The following CACNA1E variants were observed in gnomAD, a reference collection of about 807,000 sequenced individuals.
CACNA1E encodes voltage-dependent R-type calcium channel subunit alpha-1E.
Under a neutral mutation model 259.2 loss-of-function variants are expected in CACNA1E, and 40 were observed. That is an observed-to-expected ratio of 0.15 (90% CI 0.12 to 0.20). The LOEUF (loss-of-function observed/expected upper bound fraction) is 0.20. Ranked by LOEUF, CACNA1E falls within the 10% of genes least tolerant of loss-of-function variation. The pLI, the probability that CACNA1E is intolerant of heterozygous loss-of-function variation, is 1.00. For missense variants in CACNA1E, 1,874 were observed against 3,040.1 expected, an observed-to-expected ratio of 0.62 and a Z score of 9.02; for synonymous variants, 1,104 against 1,138.5, an observed-to-expected ratio of 0.97 and a Z score of 0.61.
chr1:181,425,793 G>A (rs11800429), intron 2 of CACNA1E, among the ~76,000 whole-genome samples: 60,337 of 151,522 alleles, frequency 0.4, 12,269 homozygotes, highest in African/African-American at 0.45. Flanking sequence ...CTCGAAGCCT[G>A]TAGCAGGGAG....
intron 1 of CACNA1E, among the ~76,000 whole-genome samples, chr1:181,337,286 G>A (rs1267821873): frequency 6.6e-6 from 1 of 151,614 alleles, no homozygotes; most frequent in African/African-American, 2.4e-5. Context: ...CTCCCGAGTA[G>A]CTGGGCCTAC....
chr1:181,511,434 C>T lies in CACNA1E; in HGVS notation c.436C>T (p.Leu146=). ...CFEAGIKIVA[L]GFIFHKGSYL... ...TGAAGCTGGGATCAAAATTGTGGCC[C>T]TGGGGTTCATCTTCCATAAGGGCTC... The change falls in exon 3 of 48, where the codon CTG becomes TTG. Residue 146 remains leucine, a synonymous_variant. Coordinates refer to ENST00000367573, the MANE Select transcript of CACNA1E (RefSeq NM_001205293.3). 3 of 1,613,956 alleles carry T rather than the reference C, an allele frequency of 1.9e-6. No homozygotes were observed. The highest frequency in any genetic ancestry group is 2.5e-6 in the Non-Finnish European group (3 of 1,179,872).
intron 4 of CACNA1E, 63 bp downstream of exon 4, chr1:181,577,932 C>A: frequency 9.1e-7 from 1 of 1,098,324 alleles, no homozygotes; most frequent in South Asian, 1.4e-5. Context: ...CAGCTGGATC[C>A]AGGTCTAAGG....
At chr1:181,441,606 C>T (rs1252420594) in intron 2 of CACNA1E, among the ~76,000 whole-genome samples, 4 of 152,208 alleles carry the variant, frequency 2.6e-5, no homozygotes, top group African/African-American at 4.8e-5. Flanking sequence ...TGCAGACACT[C>T]GAATCACTGT....
rs1446634948 is a variant in CACNA1E, at chr1:181,784,806, C to A, written c.5578+38C>A. On this transcript the variant is annotated intron_variant, in intron 41 of 47. Transcript: ENST00000367573. ...TCCTGGGTATCCTTGTCACTGTGGG[C>A]CCAGCATGTGAAGACTACGTCTTTG... 2 of 1,252,300 alleles carry A rather than the reference C, an allele frequency of 1.6e-6. 1 individual carries two copies. The highest frequency in any genetic ancestry group is 2.6e-5 in the South Asian group (2 of 77,456). 77.6% of individuals were successfully genotyped at this position (1,252,300 alleles called of 1,614,324 possible).
At chr1:181,587,590 T>C (rs1652193213) in intron 6 of CACNA1E, among the ~76,000 whole-genome samples, 2 of 152,130 alleles carry the variant, frequency 1.3e-5, no homozygotes, top group South Asian at 4.1e-4. Flanking sequence ...GTTTTTAAAA[T>C]GTGACTCTTA....
intron 6 of CACNA1E, among the ~76,000 whole-genome samples, chr1:181,641,652 T>TC (rs1657755505): frequency 6.6e-6 from 1 of 151,606 alleles, no homozygotes; most frequent in Non-Finnish European, 1.5e-5. Flanking sequence ...AATCATGGTC[T>TC]TCAACCTCGG....
chr1:181,582,612 C>T (rs1023593343), intron 6 of CACNA1E, among the ~76,000 whole-genome samples: 4 of 152,336 alleles, frequency 2.6e-5, no homozygotes, highest in South Asian at 4.1e-4. Flanking sequence ...GGAGAAGGAG[C>T]ACAGCTGAAG....
At chr1:181,368,462 G>A (rs1011610038) in intron 1 of CACNA1E, among the ~76,000 whole-genome samples, 2 of 152,164 alleles carry the variant, frequency 1.3e-5, no homozygotes, top group South Asian at 2.1e-4. Flanking sequence ...GCTGAAAATC[G>A]CAATTAGCTT....
At chr1:181,772,465 T>G (rs1459782529) in intron 37 of CACNA1E, among the ~76,000 whole-genome samples, 1 of 152,190 alleles carries the variant, frequency 6.6e-6, no homozygotes, top group Non-Finnish European at 1.5e-5. Flanking sequence ...CCTGGATGGG[T>G]GACTTTCAAT....
intron 3 of CACNA1E, among the ~76,000 whole-genome samples, chr1:181,525,153 A>G (rs1390787590): frequency 6.6e-6 from 1 of 152,226 alleles, no homozygotes; most frequent in African/African-American, 2.4e-5. Context: ...AGAAGAAAAA[A>G]CTGGGAATAA....
chr1:181,611,865 C>A (rs905644708), intron 6 of CACNA1E, among the ~76,000 whole-genome samples: 1 of 152,196 alleles, frequency 6.6e-6, no homozygotes, highest in South Asian at 2.1e-4. Context: ...TATGATCATT[C>A]TAGTATGCAA....
At chr1:181,378,291 A>G (rs1428399420) in intron 1 of CACNA1E, among the ~76,000 whole-genome samples, 6 of 152,270 alleles carry the variant, frequency 3.9e-5, no homozygotes, top group South Asian at 4.1e-4. Context: ...GGTATATGAG[A>G]TAAGAGTTTG....
intron 6 of CACNA1E, among the ~76,000 whole-genome samples, chr1:181,630,902 G>A (rs1656669277): frequency 6.6e-6 from 1 of 152,000 alleles, no homozygotes; most frequent in Non-Finnish European, 1.5e-5. Context: ...CATGTGTACT[G>A]GTTTCAAGTT....
intron 2 of CACNA1E, among the ~76,000 whole-genome samples, chr1:181,457,562 CT>C (rs1200364894): frequency 1.3e-5 from 2 of 152,222 alleles, no homozygotes; most frequent in African/African-American, 4.8e-5. Flanking sequence ...TGCTGGTCAG[CT>C]CGGACAACTT....
rs1663699167 is a variant in CACNA1E at position 181,485,258 on chromosome 1, C to T, written c.266+1248C>T. Among the ~76,000 whole-genome samples the T allele has an allele frequency of 6.6e-6, 1 of 152,158 alleles. No individual in the cohort carries two copies. The highest frequency in any genetic ancestry group is 2.4e-5 in the African/African-American group (1 of 41,428). ...GCAGCAGTGAGGCAGCTGGAGCTGC[C>T]TTGGGTCTCTAGTATTAGCCAGACA... On this transcript the variant is annotated intron_variant, in intron 1 of 47. Transcript: ENST00000367573. The surrounding 1 kb of genome is among the most constrained non-coding windows in gnomAD (Gnocchi z 4.2).
intron 1 of CACNA1E, among the ~76,000 whole-genome samples, chr1:181,406,072 C>A (rs1386699156): frequency 6.6e-6 from 1 of 152,116 alleles, no homozygotes; most frequent in East Asian, 1.9e-4. Context: ...ACTATCTAAC[C>A]CTTTAAGAAA....
At chr1:181,446,332 C>T in intron 2 of CACNA1E, among the ~76,000 whole-genome samples, 1 of 152,212 alleles carries the variant, frequency 6.6e-6, no homozygotes, top group East Asian at 1.9e-4. Flanking sequence ...AGGTCCCAGG[C>T]TTGCTTGGTG....
intron 25 of CACNA1E, among the ~76,000 whole-genome samples, chr1:181,742,455 A>T (rs1656669591): frequency 6.6e-6 from 1 of 152,196 alleles, no homozygotes; most frequent in African/African-American, 2.4e-5. Context: ...AAATAACCTT[A>T]TTCCTGTCCC....
Sources: gnomAD v4.1 joint callset for allele counts (sites outside exome capture counted in the v4.1 genomes callset) on GRCh38, gnomAD v4.1.1 for gene constraint, Gnocchi (gnomAD v3.1) non-coding constraint, MANE v1.5 for transcripts, NCBI Gene and HGNC (gene_info 2026-07-23, HGNC 2026-07-21) for gene names.